The following DAB2IP variants were observed in gnomAD, a reference collection of about 807,000 sequenced individuals.
The protein encoded by DAB2IP is DAB2 interacting protein.
Under a neutral mutation model 107.2 loss-of-function variants are expected in DAB2IP, and 28 were observed. That is an observed-to-expected ratio of 0.26 (90% confidence interval 0.19 to 0.36). The LOEUF is 0.36. Ranked by LOEUF, DAB2IP falls within the 10% of genes least tolerant of loss-of-function variation. The pLI, the probability that DAB2IP is intolerant of heterozygous loss-of-function variation, is 1.00. For missense variants in DAB2IP, 1,400 were observed against 1,644.7 expected, an observed-to-expected ratio of 0.85 and a Z score of 2.57; for synonymous variants, 755 against 706.4, an observed-to-expected ratio of 1.07 and a Z score of -1.09.
intron 3 of DAB2IP, among the ~76,000 whole-genome samples, chr9:121,753,552 G>T (rs1833279553): frequency 6.6e-6 from 1 of 152,238 alleles, no homozygotes; most frequent in Admixed American, 6.5e-5. Context: ...TGTGGGCATG[G>T]CTCCTGGACT....
intron 1 of DAB2IP, among the ~76,000 whole-genome samples, chr9:121,573,071 G>GGTTT (rs954752182): frequency 1.6e-4 from 25 of 152,168 alleles, no homozygotes; most frequent in African/African-American, 5.8e-4. Flanking sequence ...CTTCTGTTTT[G>GGTTT]GTTTGTTTGT....
At position 121,773,323 on chromosome 9, in the gene DAB2IP, G is replaced by A. The variant is rs1220390281; in HGVS notation, c.2795G>A (p.Arg932His). 11 of 1,009,520 alleles carry A rather than the reference G, an allele frequency of 1.1e-5. No individual in the cohort carries two copies. In the Admixed American group the frequency reaches 1.1e-4, roughly 10 times the overall value. 62.5% of individuals were successfully genotyped at this position (1,009,520 alleles called of 1,614,324 possible). Residue 932 changes from arginine (R) to histidine (H), a missense_variant, in exon 12 of 16, where the codon CGC becomes CAC. Physicochemically the swap from Arg to His is conservative, Grantham distance 29. Transcript: ENST00000408936. ...CCCCCGCCGCCACCTCCTGCCCCCCGCGGCCGGACGCCCCCCAACCTGCTG... is the reference window on the plus strand; with the variant it reads ...CCCCCGCCGCCACCTCCTGCCCCCCACGGCCGGACGCCCCCCAACCTGCTG...
At chr9:121,744,271 G>A (rs1564194385) in intron 3 of DAB2IP, among the ~76,000 whole-genome samples, 1 of 152,226 alleles carries the variant, frequency 6.6e-6, no homozygotes, top group African/African-American at 2.4e-5. Context: ...TGGGTGGGGT[G>A]GAGGCGGGTG....
intron 2 of DAB2IP, among the ~76,000 whole-genome samples, chr9:121,687,925 G>A (rs1828968002): frequency 6.6e-6 from 1 of 152,176 alleles, no homozygotes; most frequent in Non-Finnish European, 1.5e-5. Flanking sequence ...AGAGAGGGGA[G>A]GTGCATTGTC....
Position 121,755,569 on chromosome 9 carries a change from T to C in DAB2IP, c.363-1444T>C, listed in dbSNP as rs554067721. Among the ~76,000 whole-genome samples, 61 of 152,296 alleles carry C rather than the reference T, an allele frequency of 4.0e-4. 1 individual carries two copies. Among genetic ancestry groups the C allele is most frequent in the Admixed American group, 2.0e-3 (31 of 15,304 alleles). The stretch of plus-strand genomic sequence containing the variant: ...ATCTAAGGGTTGGGATTCCCTCAGC[T>C]CTGACTCCTTACGGCATCTAGCATG... On this transcript the variant is annotated intron_variant, in intron 3 of 15. Transcript: ENST00000408936.
intron 1 of DAB2IP, among the ~76,000 whole-genome samples, chr9:121,661,936 G>A (rs1833224821): frequency 6.6e-6 from 1 of 150,974 alleles, no homozygotes. Flanking sequence ...ACCTATGATC[G>A]CACCACTGCA....
intron 3 of DAB2IP, among the ~76,000 whole-genome samples, chr9:121,731,691 G>A (rs1182697598): frequency 2.0e-5 from 3 of 152,142 alleles, no homozygotes; most frequent in East Asian, 3.9e-4. Flanking sequence ...GGCTGGGGCT[G>A]GGGCTGGTTG....
intron 2 of DAB2IP, among the ~76,000 whole-genome samples, chr9:121,685,050 T>C (rs1235230207): frequency 6.6e-6 from 1 of 152,192 alleles, no homozygotes; most frequent in African/African-American, 2.4e-5. Context: ...ATTTGCTTAG[T>C]TCTGCTCTGT....
At chr9:121,754,074 C>A (rs1564201819) in intron 3 of DAB2IP, among the ~76,000 whole-genome samples, 1 of 152,212 alleles carries the variant, frequency 6.6e-6, no homozygotes, top group African/African-American at 2.4e-5. Context: ...GCTGCAAGCA[C>A]AGGACAGGGC....
Position 121,763,662 on chromosome 9 carries a change from C to T in DAB2IP, c.1315+13C>T, listed in dbSNP as rs1008307101. 1.9e-6 allele frequency: 3 copies of T among 1,612,230 alleles called. No individual in the cohort carries two copies. Among genetic ancestry groups the T allele is most frequent in the Non-Finnish European group, 2.5e-6 (3 of 1,179,020 alleles). On this transcript the variant is annotated intron_variant, in intron 7 of 15. Transcript: ENST00000408936. The stretch of plus-strand genomic sequence containing the variant: ...CAGGACGCCCTAGGTAGGGAGTGGG[C>T]CAGCAGCAGGGCAGAGGGTGGGGCA...
At chr9:121,675,165 G>C (rs1404310386) in intron 1 of DAB2IP, among the ~76,000 whole-genome samples, 1 of 152,132 alleles carries the variant, frequency 6.6e-6, no homozygotes. Flanking sequence ...ACTGATGTGC[G>C]GGGTTGTGAG....
intron 3 of DAB2IP, among the ~76,000 whole-genome samples, chr9:121,700,626 G>A (rs979574920): frequency 1.3e-5 from 2 of 152,200 alleles, no homozygotes; most frequent in Non-Finnish European, 2.9e-5. Context: ...GCGGGCAGAG[G>A]AGTACAAGTT....
At position 121,758,973 on chromosome 9, in the gene DAB2IP, C is replaced by T. The variant is rs774000651; in HGVS notation, c.592C>T (p.Arg198Trp). The change falls in exon 5 of 16, where the codon CGG becomes TGG. Residue 198 changes from arginine to tryptophan, a missense_variant. Physicochemically the swap from Arg to Trp is moderately radical, Grantham distance 101. Transcript: ENST00000408936. ...GCGGGATAAGTGGATGGAGAACCTCCGGCGAGCGGTGCATCCCAACAAGGT... is the reference window on the plus strand; with the variant it reads ...GCGGGATAAGTGGATGGAGAACCTCTGGCGAGCGGTGCATCCCAACAAGGT... The T allele has an allele frequency of 1.7e-5, 28 of 1,613,112 alleles. No individual in the cohort carries two copies. The highest frequency in any genetic ancestry group is 8.9e-5 in the East Asian group (4 of 44,870).
intron 2 of DAB2IP, among the ~76,000 whole-genome samples, chr9:121,682,971 G>T (rs1440025363): frequency 1.3e-5 from 2 of 152,176 alleles, no homozygotes; most frequent in East Asian, 1.9e-4. Flanking sequence ...GGGGGAAGGG[G>T]CCTGGGAGTA....
At chr9:121,710,139 C>T (rs914500416) in intron 3 of DAB2IP, among the ~76,000 whole-genome samples, 4 of 152,174 alleles carry the variant, frequency 2.6e-5, no homozygotes. Context: ...ACAGTACTGC[C>T]CTCTCCCTAT....
At chr9:121,621,034 C>T (rs955508079) in intron 1 of DAB2IP, among the ~76,000 whole-genome samples, 6 of 152,160 alleles carry the variant, frequency 3.9e-5, no homozygotes, top group South Asian at 2.1e-4. Flanking sequence ...AGGGGAAGAC[C>T]GCACTGGCCA....
At chr9:121,759,847 C>T (rs1045385481) in intron 5 of DAB2IP, 38 bp from the exon 6 acceptor site, 3 of 1,566,456 alleles carry the variant, frequency 1.9e-6, no homozygotes, top group Admixed American at 1.8e-5. Context: ...GCACGTGGCA[C>T]CCCCAGCTGA....
chr9:121,708,960 G>A lies in DAB2IP; in HGVS notation c.362+9502G>A, dbSNP rs374142840. Reference sequence around the variant, plus strand: ...ACCTGCTAGGGTAGTGGGAGGTGATGGGGGATCTGCGCCTGTGAGGTGGGC... The same window carrying A: ...ACCTGCTAGGGTAGTGGGAGGTGATAGGGGATCTGCGCCTGTGAGGTGGGC... On this transcript the variant is annotated intron_variant, in intron 3 of 15. Transcript: ENST00000408936. Among the ~76,000 whole-genome samples, 65 of 152,284 alleles carry A rather than the reference G, an allele frequency of 4.3e-4. No homozygotes were observed. In the East Asian group the frequency reaches 5.2e-3, roughly 12 times the overall value.
chr9:121,625,349 T>C (rs1831606562), intron 1 of DAB2IP, among the ~76,000 whole-genome samples: 1 of 151,758 alleles, frequency 6.6e-6, no homozygotes, highest in South Asian at 2.1e-4. Context: ...AAGCGATTCT[T>C]GCGCCTCAGC....
Sources: gnomAD v4.1 joint callset for allele counts (sites outside exome capture counted in the v4.1 genomes callset) on GRCh38, gnomAD v4.1.1 for gene constraint, MANE v1.5 for transcripts, NCBI Gene and HGNC (gene_info 2026-07-23, HGNC 2026-07-21) for gene names.